The following MAPKBP1 variants were observed in gnomAD, a reference collection of about 807,000 sequenced individuals.
The protein encoded by MAPKBP1 is mitogen-activated protein kinase-binding protein 1.
Under a neutral mutation model 170.5 loss-of-function variants are expected in MAPKBP1, and 71 were observed. That is an observed-to-expected ratio of 0.42 (90% CI 0.34 to 0.51). The LOEUF is 0.51. Among genes scored for constraint, MAPKBP1 ranks in the 20% least tolerant of loss-of-function variants. The pLI is 0.06. For synonymous variants in MAPKBP1, 719 were observed against 757.9 expected, an observed-to-expected ratio of 0.95 and a Z score of 0.84; for missense variants, 1,598 against 1,933.0, an observed-to-expected ratio of 0.83 and a Z score of 3.25.
intron 2 of MAPKBP1, among the ~76,000 whole-genome samples, chr15:41,797,816 G>A (rs965828698): frequency 1.3e-5 from 2 of 152,148 alleles, no homozygotes; most frequent in African/African-American, 4.8e-5. Context: ...GCATCCCCAA[G>A]ATACACAGAT....
rs143147781 is a variant in MAPKBP1 at position 41,815,364 on chromosome 15, G to T, written c.1276G>T (p.Gly426Trp). 6 of 1,614,048 alleles carry T rather than the reference G, an allele frequency of 3.7e-6. No homozygotes were observed. The African/African-American group carries it at 8.0e-5, about 22-fold the overall frequency. ...TIRLWNTESS[G>W]VHGSTLHRNI... ...CCGCCTGTGGAACACAGAGAGCTCCGGGGTGCATGGCTCCACCCTCCACCG... is the reference window on the plus strand; with the variant it reads ...CCGCCTGTGGAACACAGAGAGCTCCTGGGTGCATGGCTCCACCCTCCACCG... Residue 426 changes from glycine (G) to tryptophan (W), a missense_variant, in exon 11 of 31, where the codon GGG (glycine) becomes TGG (tryptophan). By Grantham distance (184) the Gly-to-Trp change is radical. This residue lies in a region of MAPKBP1 where 430 missense variants were observed against 617.2 expected (regional missense o/e 0.70). Transcript: ENST00000457542.
Position 41,813,010 on chromosome 15 carries a change from A to T in MAPKBP1, c.728A>T (p.Lys243Ile), listed in dbSNP as rs765498237. The T allele has an allele frequency of 6.2e-7, 1 of 1,614,128 alleles. No homozygotes were observed. Among genetic ancestry groups the T allele is most frequent in the African/African-American group, 1.3e-5 (1 of 75,046 alleles). Residue 243 changes from lysine to isoleucine, a missense_variant, in exon 8 of 31, where the codon AAA (lysine) becomes ATA (isoleucine). Physicochemically the swap from Lys to Ile is moderately radical, Grantham distance 102 (BLOSUM62 -3). Around this residue, in one of 6 missense-constraint regions of MAPKBP1, gnomAD observed 430 missense variants for 617.2 expected, o/e 0.70. Coordinates refer to ENST00000457542, the MANE Select transcript of MAPKBP1 (RefSeq NM_014994.3). ...LFTDVACGRG[K>I]KADSTFCITS... ...ACTGATGTGGCCTGTGGCAGAGGAA[A>T]AAAGGCGGACAGTACCTTCTGCATC...
intron 2 of MAPKBP1, among the ~76,000 whole-genome samples, chr15:41,777,348 A>G (rs1041713054): frequency 6.6e-6 from 1 of 151,896 alleles, no homozygotes; most frequent in African/African-American, 2.4e-5. Context: ...CTCAAAAAAA[A>G]AAAAAAAAGG....
In MAPKBP1 at chr15:41,814,686, G is replaced by C. The variant is rs1469863097; in HGVS notation, c.1117G>C (p.Val373Leu). Residue 373 changes from valine (V) to leucine (L), a missense_variant, in exon 10 of 31, where the codon GTG becomes CTG. By Grantham distance (32) the Val-to-Leu change is conservative (BLOSUM62 1). Coordinates refer to ENST00000457542, the MANE Select transcript of MAPKBP1 (RefSeq NM_014994.3). Reference sequence around the variant, plus strand: ...TTGGGATGTGAGGGACCCCAAGAAAGTGGGCAAGGTGTACTCGGCTCTGTA... The same window carrying C: ...TTGGGATGTGAGGGACCCCAAGAAACTGGGCAAGGTGTACTCGGCTCTGTA... Reference protein sequence around the residue: ...YVWDVRDPKKVGKVYSALYHS... With the variant: ...YVWDVRDPKKLGKVYSALYHS... 11 of 1,614,126 alleles carry C rather than the reference G, an allele frequency of 6.8e-6. No individual in the cohort carries two copies. The highest frequency in any genetic ancestry group is 9.3e-6 in the Non-Finnish European group (11 of 1,180,048).
At chr15:41,811,664 A>T (rs1473376826) in intron 5 of MAPKBP1, 2 of 636,810 alleles carry the variant, frequency 3.1e-6, no homozygotes, top group African/African-American at 3.6e-5. Context: ...CCTGAGTGGT[A>T]GTGGCTCTCA....
At position 41,812,201 on chromosome 15, in the gene MAPKBP1, A is replaced by AC. The variant is rs2064818763; in HGVS notation, c.498+76dup. ...CAGCTGGGGAGGCAAGAGACTGCTG[A>AC]CCTGCACTGCTCCATTCCACCCCAC... On this transcript the variant is annotated intron_variant, in intron 6 of 30. Coordinates refer to ENST00000457542, the MANE Select transcript of MAPKBP1 (RefSeq NM_014994.3). 3.2e-6 allele frequency: 5 copies of AC among 1,561,862 alleles called. No individual in the cohort carries two copies. The African/African-American group carries it at 6.8e-5, about 21-fold the overall frequency.
chr15:41,802,210 G>T (rs532269597), intron 3 of MAPKBP1, among the ~76,000 whole-genome samples: 1 of 152,288 alleles, frequency 6.6e-6, no homozygotes, highest in Non-Finnish European at 1.5e-5. Flanking sequence ...ACCATGAATG[G>T]AGTTTCCAGG....
intron 2 of MAPKBP1, among the ~76,000 whole-genome samples, chr15:41,795,174 A>G (rs1454794134): frequency 6.6e-6 from 1 of 151,886 alleles, no homozygotes; most frequent in Non-Finnish European, 1.5e-5. Context: ...AAAAAAAAAA[A>G]AAAAAAAGAA....
chr15:41,810,498 A>G (rs1002967795), intron 3 of MAPKBP1, among the ~76,000 whole-genome samples: 1 of 151,144 alleles, frequency 6.6e-6, no homozygotes, highest in East Asian at 1.9e-4. Context: ...CTTGAGTTCA[A>G]GAGTTTGGGA....
At chr15:41,800,176 C>G (rs1322326936) in intron 3 of MAPKBP1, among the ~76,000 whole-genome samples, 1 of 152,164 alleles carries the variant, frequency 6.6e-6, no homozygotes, top group Non-Finnish European at 1.5e-5. Context: ...CAGTTCCCAG[C>G]ACCATCTTCA....
At chr15:41,811,118 A>T (rs369336565) in intron 4 of MAPKBP1, 60 bp from the exon 5 acceptor site, 7 of 1,594,068 alleles carry the variant, frequency 4.4e-6, no homozygotes, top group Non-Finnish European at 6.0e-6. Context: ...AGAGGCTGGG[A>T]GGGGGCTAGG....
intron 8 of MAPKBP1, chr15:41,813,323 C>A (rs374017446): frequency 2.6e-6 from 4 of 1,528,492 alleles, no homozygotes; most frequent in Non-Finnish European, 3.6e-6. Context: ...TTTCCTCTTC[C>A]GCTCAGAACA....
Position 41,822,659 on chromosome 15 carries a change from T to C in MAPKBP1, c.3296T>C (p.Val1099Ala). The change falls in exon 27 of 31, where the codon GTA becomes GCA. Residue 1099 changes from valine (V) to alanine (A), a missense_variant. By Grantham distance (64) the Val-to-Ala change is moderately conservative. Around this residue, in one of 6 missense-constraint regions of MAPKBP1, gnomAD observed 942 missense variants for 953.2 expected, o/e 0.99. Coordinates refer to ENST00000457542, the MANE Select transcript of MAPKBP1 (RefSeq NM_014994.3). ...RSISSRFLLQ[V>A]QTRPLREPSP... The stretch of plus-strand genomic sequence containing the variant: ...ATCTCTTCACGATTCCTGTTGCAAG[T>C]ACAGACCCGCCCACTCAGGTACAGA... 1 of 1,614,018 alleles carries C rather than the reference T, an allele frequency of 6.2e-7. No homozygotes were observed. The highest frequency in any genetic ancestry group is 8.5e-7 in the Non-Finnish European group (1 of 1,179,964).
intron 3 of MAPKBP1, among the ~76,000 whole-genome samples, chr15:41,806,038 C>T (rs2064684943): frequency 6.6e-6 from 1 of 152,180 alleles, no homozygotes; most frequent in Admixed American, 6.5e-5. Flanking sequence ...GATCTTGCCC[C>T]TAGTGACTTG....
In MAPKBP1 at chr15:41,818,186, C is replaced by T. The variant is rs1446321268; in HGVS notation, c.1981-8C>T. On this transcript the variant is annotated splice_polypyrimidine_tract_variant and splice_region_variant and intron_variant, in intron 17 of 30. Transcript: ENST00000457542. The surrounding 1 kb of genome is among the most constrained non-coding windows in gnomAD (Gnocchi z 5.2). ...TGTCCTCCAGCTGCACACCCTGCTACTCCTCAGGTGCAGACAGACCCCTCA... is the reference window on the plus strand; with the variant it reads ...TGTCCTCCAGCTGCACACCCTGCTATTCCTCAGGTGCAGACAGACCCCTCA... The T allele has an allele frequency of 1.9e-6, 3 of 1,611,810 alleles. No individual in the cohort carries two copies. Among genetic ancestry groups the T allele is most frequent in the Non-Finnish European group, 2.5e-6 (3 of 1,177,912 alleles).
chr15:41,825,813 C>T lies in MAPKBP1; in HGVS notation c.*377C>T, dbSNP rs1351767196. On this transcript the variant is annotated 3_prime_UTR_variant, in exon 31 of 31. Coordinates refer to ENST00000457542, the MANE Select transcript of MAPKBP1 (RefSeq NM_014994.3). Reference sequence around the variant, plus strand: ...GATTAGCTCCCTGTGGTGGAGCATACACAGGGTACTCTGGGGTCGAGGTGA... The same window carrying T: ...GATTAGCTCCCTGTGGTGGAGCATATACAGGGTACTCTGGGGTCGAGGTGA... 5.7e-6 allele frequency: 1 copy of T among 175,582 alleles called. No homozygotes were observed. Among genetic ancestry groups the T allele is most frequent in the East Asian group, 1.6e-4 (1 of 6,366 alleles). 10.9% of individuals were successfully genotyped at this position (175,582 alleles called of 1,614,324 possible). A position where few individuals can be genotyped will look rare whatever the true frequency, so the allele number is the denominator to read the frequency against.
At chr15:41,780,250 C>CT (rs1158541108) in intron 2 of MAPKBP1, among the ~76,000 whole-genome samples, 2 of 152,160 alleles carry the variant, frequency 1.3e-5, no homozygotes, top group African/African-American at 4.8e-5. Context: ...TTTTGAATGT[C>CT]TTTCATTTGT....
At chr15:41,778,132 C>T (rs1323687600) in intron 2 of MAPKBP1, among the ~76,000 whole-genome samples, 2 of 152,080 alleles carry the variant, frequency 1.3e-5, no homozygotes, top group African/African-American at 4.8e-5. Flanking sequence ...TCCTTTACAT[C>T]ACACCGTTTA....
At position 41,817,533 on chromosome 15, in the gene MAPKBP1, G is replaced by T; in HGVS notation, c.1782+75G>T. 6.2e-7 allele frequency: 1 copy of T among 1,613,608 alleles called. No individual in the cohort carries two copies. The highest frequency in any genetic ancestry group is 8.5e-7 in the Non-Finnish European group (1 of 1,179,584). ...CATTCCCTGCCTAAGGTTACAAGAG[G>T]TGAAGGGAGGCGCAAGTAGGGCTCT... On this transcript the variant is annotated intron_variant, in intron 15 of 30. Transcript: ENST00000457542. This position sits in a 1 kb window ranked among gnomAD's most constrained non-coding sequence, Gnocchi z 4.2.
Sources: gnomAD v4.1 joint callset for allele counts (sites outside exome capture counted in the v4.1 genomes callset) on GRCh38, gnomAD v4.1.1 for gene constraint, gnomAD v4.1.1 regional missense constraint, Gnocchi (gnomAD v3.1) non-coding constraint, MANE v1.5 for transcripts, NCBI Gene and HGNC (gene_info 2026-07-23, HGNC 2026-07-21) for gene names.